The following MRPS27 variants were observed in gnomAD, a reference collection of about 807,000 sequenced individuals.
MRPS27 encodes the protein mitochondrial ribosomal protein S27.
A neutral mutation model predicts 48.9 loss-of-function variants in MRPS27; 43 were observed. The ratio of observed to expected loss-of-function variants is 0.88; its 90% confidence interval spans 0.69 to 1.13. MRPS27 has a LOEUF of 1.13. MRPS27 is among the 50% of genes most tolerant of loss of function. MRPS27 has a pLI of 0.00. For missense variants in MRPS27, 467 were observed against 476.3 expected (o/e 0.98, Z 0.18); for synonymous variants, 188 against 171.9 (o/e 1.09, Z -0.73).
At chr5:72,281,439 A>G (rs1423124284) in intron 4 of MRPS27, among the ~76,000 whole-genome samples, 3 of 152,244 alleles carry the variant, frequency 2.0e-5, no homozygotes, top group African/African-American at 7.2e-5. Flanking sequence ...AAGAGAAAGA[A>G]AGAAATATTT....
In MRPS27 at chr5:72,238,137, G is replaced by A; in HGVS notation, c.282-9C>T. 6.3e-7 allele frequency: 1 copy of A among 1,597,580 alleles called. No homozygotes were observed. The highest frequency in any genetic ancestry group is 8.6e-7 in the Non-Finnish European group (1 of 1,165,366). On this transcript the variant is annotated splice_polypyrimidine_tract_variant and intron_variant, in intron 4 of 10. Coordinates refer to ENST00000261413, the MANE Select transcript of MRPS27 (RefSeq NM_015084.3). ...TGGGGCTGTGTCGAAACCTAAATAA[G>A]CACAAGAAGAGAGAAAACTGGTGTT...
At chr5:72,253,786 A>G (rs1748725262) in intron 4 of MRPS27, among the ~76,000 whole-genome samples, 1 of 152,248 alleles carries the variant, frequency 6.6e-6, no homozygotes, top group Non-Finnish European at 1.5e-5. Context: ...TATTGTTAAG[A>G]TGTAGTCTTT....
chr5:72,234,950 C>T (rs1474735810), intron 5 of MRPS27, among the ~76,000 whole-genome samples: 5 of 152,096 alleles, frequency 3.3e-5, no homozygotes, highest in African/African-American at 1.2e-4. Flanking sequence ...ATGTTAACCA[C>T]CATTCCCCAC....
chr5:72,310,344 A>G (rs1046698253), intron 2 of MRPS27, among the ~76,000 whole-genome samples: 1 of 151,950 alleles, frequency 6.6e-6, no homozygotes, highest in Non-Finnish European at 1.5e-5. Context: ...TAGGCCAGGA[A>G]GGGTACACAG....
At position 72,261,811 on chromosome 5, in the gene MRPS27, G is replaced by A. The variant is rs114321378; in HGVS notation, c.282-23683C>T. 3.7e-3 allele frequency among the ~76,000 whole-genome samples: 569 copies of A among 152,308 alleles called. 1 individual carries two copies. Among genetic ancestry groups the A allele is most frequent in the African/African-American group, 0.013 (553 of 41,562 alleles). The stretch of plus-strand genomic sequence containing the variant: ...CATTACCCCACATTCCAGCATGGCT[G>A]TAAGGCAAATACAACATAGAGATTT... On this transcript the variant is annotated intron_variant, in intron 4 of 10. Transcript: ENST00000261413.
At chr5:72,272,149 G>GGCCTATGGGATACTTTAGGTCT (rs1749264717) in intron 4 of MRPS27, among the ~76,000 whole-genome samples, 1 of 152,134 alleles carries the variant, frequency 6.6e-6, no homozygotes, top group Non-Finnish European at 1.5e-5. Context: ...GGCAAACTAA[G>GGCCTATGGGATACTTTAGGTCT]GCCTATGGGA....
At chr5:72,255,025 T>TCTTC (rs1561341159) in intron 4 of MRPS27, among the ~76,000 whole-genome samples, 3 of 137,444 alleles carry the variant, frequency 2.2e-5, no homozygotes, top group African/African-American at 6.2e-5. Context: ...AACACATTTC[T>TCTTC]TTTCTTTTTT....
intron 4 of MRPS27, among the ~76,000 whole-genome samples, chr5:72,247,757 T>C (rs1232360678): frequency 1.3e-5 from 2 of 152,232 alleles, no homozygotes; most frequent in Non-Finnish European, 2.9e-5. Context: ...GTAATTTTCC[T>C]ACATAATATA....
intron 4 of MRPS27, among the ~76,000 whole-genome samples, chr5:72,262,963 T>C (rs753965704): frequency 6.6e-6 from 1 of 152,048 alleles, no homozygotes; most frequent in African/African-American, 2.4e-5. Context: ...TGCTTGCCTT[T>C]GATATCCTGT....
intron 4 of MRPS27, among the ~76,000 whole-genome samples, chr5:72,240,039 C>T (rs935248593): frequency 6.6e-6 from 1 of 152,124 alleles, no homozygotes; most frequent in Non-Finnish European, 1.5e-5. Flanking sequence ...GGTGATGCTT[C>T]CTCATCAGCC....
chr5:72,311,815 G>A (rs60923353), intron 2 of MRPS27, among the ~76,000 whole-genome samples: 1,615 of 152,238 alleles, frequency 0.011, 27 homozygotes, highest in African/African-American at 0.037. Context: ...ATATAGAGGA[G>A]TTCTTTGCAG....
intron 4 of MRPS27, among the ~76,000 whole-genome samples, chr5:72,280,296 ATGAAATG>A (rs1332354334): frequency 6.6e-6 from 1 of 152,208 alleles, no homozygotes; most frequent in African/African-American, 2.4e-5. Flanking sequence ...GAATTTATAG[ATGAAATG>A]TGACACTTAC....
intron 9 of MRPS27, 94 bp from the exon 10 acceptor site, chr5:72,223,944 G>A: frequency 8.0e-7 from 1 of 1,253,596 alleles, no homozygotes; most frequent in Non-Finnish European, 1.1e-6. Context: ...AAGGAAGAAT[G>A]AGCTCTAAAA....
chr5:72,280,414 T>TA (rs928485957), intron 4 of MRPS27, among the ~76,000 whole-genome samples: 9 of 151,922 alleles, frequency 5.9e-5, no homozygotes, highest in Non-Finnish European at 7.4e-5. Context: ...GTATTTTTTT[T>TA]AAAAAAAGAA....
At chr5:72,261,719 A>G (rs1748982691) in intron 4 of MRPS27, among the ~76,000 whole-genome samples, 1 of 152,216 alleles carries the variant, frequency 6.6e-6, no homozygotes, top group Non-Finnish European at 1.5e-5. Flanking sequence ...ATGTAATGTT[A>G]TGTCCGTACT....
intron 4 of MRPS27, among the ~76,000 whole-genome samples, chr5:72,257,672 G>A (rs1175531338): frequency 6.6e-6 from 1 of 152,172 alleles, no homozygotes; most frequent in Non-Finnish European, 1.5e-5. Flanking sequence ...ATTTAGGGTG[G>A]ATTGCAGACG....
chr5:72,301,260 C>G (rs1750120135), intron 2 of MRPS27, among the ~76,000 whole-genome samples: 2 of 152,246 alleles, frequency 1.3e-5, no homozygotes, highest in South Asian at 2.1e-4. Flanking sequence ...TTATGACTAT[C>G]TTAAAGGGAT....
intron 4 of MRPS27, among the ~76,000 whole-genome samples, chr5:72,239,674 T>C (rs946512165): frequency 5.3e-5 from 8 of 152,162 alleles, no homozygotes; most frequent in African/African-American, 1.9e-4. Context: ...TATTTGTTTT[T>C]ATTTTTTTAT....
chr5:72,298,355 CTAT>C (rs1368657150), intron 2 of MRPS27, among the ~76,000 whole-genome samples: 1 of 152,098 alleles, frequency 6.6e-6, no homozygotes, highest in Non-Finnish European at 1.5e-5. Context: ...GTCAGAATGG[CTAT>C]TATTAAAAAG....
Sources: gnomAD v4.1 joint callset for allele counts (sites outside exome capture counted in the v4.1 genomes callset) on GRCh38, gnomAD v4.1.1 for gene constraint, MANE v1.5 for transcripts, NCBI Gene and HGNC (gene_info 2026-07-23, HGNC 2026-07-21) for gene names.